KCNK2: variants seen among roughly 807,000 people sequenced by gnomAD.
KCNK2 encodes the protein potassium two pore domain channel subfamily K member 2.
A neutral mutation model predicts 40.5 loss-of-function variants in KCNK2; 21 were observed. The observed-to-expected ratio is 0.52, with a 90% CI of 0.37 to 0.75. The LOEUF is 0.75. Ranked by LOEUF, KCNK2 falls within the 30% of genes least tolerant of loss-of-function variation. The probability of loss-of-function intolerance (pLI) is 0.00; values close to 1 mark genes in which losing one functional copy is unlikely to be tolerated. For missense variants in KCNK2, 399 were observed against 531.6 expected (o/e 0.75, Z 2.45); for synonymous variants, 191 against 202.2 (o/e 0.94, Z 0.47).
Position 215,162,434 on chromosome 1 carries a change from G to A in KCNK2, c.476-6765G>A, listed in dbSNP as rs144997313. ...AAGCTCTTTAGTTTAATTAAATCCC[G>A]TTTGTCAATTTTGACTTTTGTTGCC... On this transcript the variant is annotated intron_variant, in intron 3 of 6. Coordinates refer to ENST00000444842, the MANE Select transcript of KCNK2 (RefSeq NM_001017425.3). Among the ~76,000 whole-genome samples the A allele has an allele frequency of 7.1e-3, 1,081 of 151,980 alleles. 11 individuals carry two copies. Among genetic ancestry groups the A allele is most frequent in the African/African-American group, 0.024 (983 of 41,466 alleles).
At chr1:215,124,505 T>C in intron 2 of KCNK2, 128 bp from the exon 3 acceptor site, 2 of 709,754 alleles carry the variant, frequency 2.8e-6, no homozygotes, top group South Asian at 3.1e-5. Context: ...TTATACATTT[T>C]AAATGGAAGA....
chr1:215,147,527 A>C (rs1405314889), intron 3 of KCNK2, among the ~76,000 whole-genome samples: 2 of 152,152 alleles, frequency 1.3e-5, no homozygotes, highest in East Asian at 3.8e-4. Context: ...GCTTTGACTC[A>C]CTTTTCTAAA....
chr1:215,037,312 T>A (rs1031630703), intron 1 of KCNK2, among the ~76,000 whole-genome samples: 1 of 151,938 alleles, frequency 6.6e-6, no homozygotes, highest in African/African-American at 2.4e-5. Context: ...CTTTATTATT[T>A]CAATGAGGTG....
chr1:215,204,037 CAAAA>C (rs71167813), intron 6 of KCNK2, among the ~76,000 whole-genome samples: 25 of 53,184 alleles, frequency 4.7e-4, no homozygotes, highest in African/African-American at 2.5e-3. Flanking sequence ...GACTCCGTCT[CAAAA>C]AAAAAAAAAA....
intron 1 of KCNK2, among the ~76,000 whole-genome samples, chr1:215,051,055 T>C (rs996710859): frequency 1.3e-5 from 2 of 152,206 alleles, no homozygotes; most frequent in Non-Finnish European, 2.9e-5. Flanking sequence ...GTTGCCTTAA[T>C]AACCTTTTGA....
At chr1:215,224,643 G>T (rs886952006) in intron 6 of KCNK2, among the ~76,000 whole-genome samples, 1 of 152,044 alleles carries the variant, frequency 6.6e-6, no homozygotes, top group African/African-American at 2.4e-5. Context: ...AAATGACCTG[G>T]AGTAGAGCTA....
intron 5 of KCNK2, among the ~76,000 whole-genome samples, chr1:215,186,256 T>TA (rs1185847559): frequency 6.6e-6 from 1 of 152,062 alleles, no homozygotes; most frequent in Non-Finnish European, 1.5e-5. Context: ...CAAACATTTT[T>TA]AAAAATTAGC....
chr1:215,023,966 C>T (rs1360536088), intron 1 of KCNK2, among the ~76,000 whole-genome samples: 2 of 152,212 alleles, frequency 1.3e-5, no homozygotes, highest in African/African-American at 4.8e-5. Flanking sequence ...GCATACCTAG[C>T]TCTGCGGATT....
intron 1 of KCNK2, among the ~76,000 whole-genome samples, chr1:215,084,846 C>A (rs574424363): frequency 6.6e-6 from 1 of 152,354 alleles, no homozygotes; most frequent in East Asian, 1.9e-4. Context: ...GCTCTAATTT[C>A]ATCTCTTCCA....
In KCNK2 at chr1:215,036,712, G is replaced by A. The variant is rs111343504; in HGVS notation, c.34+30757G>A. Among the ~76,000 whole-genome samples the A allele has an allele frequency of 8.3e-3, 1,252 of 151,716 alleles. 18 individuals are homozygous for A. The highest frequency in any genetic ancestry group is 0.028 in the African/African-American group (1,178 of 41,442). ...CTTTGCTGCTTATGAACAATGTTTT[G>A]TAGTATTCAATGTACAGATTTTACA... On this transcript the variant is annotated intron_variant, in intron 1 of 6. Coordinates refer to the KCNK2 transcript ENST00000391895.
chr1:215,096,189 T>C (rs2102544793), intron 2 of KCNK2, among the ~76,000 whole-genome samples: 1 of 151,982 alleles, frequency 6.6e-6, no homozygotes, highest in East Asian at 1.9e-4. Flanking sequence ...TATATGGATA[T>C]ACCAAGGTGT....
intron 3 of KCNK2, among the ~76,000 whole-genome samples, chr1:215,162,529 T>C (rs964632849): frequency 2.6e-5 from 4 of 152,218 alleles, no homozygotes; most frequent in Admixed American, 2.6e-4. Context: ...GCCTAGGTTT[T>C]CTTCTAGGGT....
chr1:215,049,542 T>A (rs1015966097), intron 1 of KCNK2, among the ~76,000 whole-genome samples: 3 of 152,174 alleles, frequency 2.0e-5, no homozygotes, highest in African/African-American at 7.2e-5. Context: ...ATTGTGCTTT[T>A]TGTGTCAAGT....
intron 6 of KCNK2, among the ~76,000 whole-genome samples, chr1:215,207,884 G>A (rs961271285): frequency 2.0e-5 from 3 of 152,180 alleles, no homozygotes; most frequent in Admixed American, 2.0e-4. Flanking sequence ...TGCTGGTTAA[G>A]TCATGGAGAA....
intron 2 of KCNK2, among the ~76,000 whole-genome samples, chr1:215,121,324 G>C (rs1661180870): frequency 6.6e-6 from 1 of 152,112 alleles, no homozygotes; most frequent in African/African-American, 2.4e-5. Context: ...GTTTTGCTCT[G>C]TCACCCAGGC....
Position 215,104,523 on chromosome 1 carries a change from T to C in KCNK2, c.357+17845T>C, listed in dbSNP as rs75238766. Among the ~76,000 whole-genome samples, 375 of 152,168 alleles carry C rather than the reference T, an allele frequency of 2.5e-3. 1 individual carries two copies. Among genetic ancestry groups the C allele is most frequent in the Non-Finnish European group, 4.5e-3 (309 of 67,996 alleles). ...TGTTCTCTTGCTAGTGCCTGCTTGC[T>C]GCCTCCTGTGCATTGCTGAATGAAT... On this transcript the variant is annotated intron_variant, in intron 2 of 6. Coordinates refer to ENST00000444842, the MANE Select transcript of KCNK2 (RefSeq NM_001017425.3).
chr1:215,105,822 A>G (rs1660412681), intron 2 of KCNK2, among the ~76,000 whole-genome samples: 1 of 151,860 alleles, frequency 6.6e-6, no homozygotes, highest in African/African-American at 2.4e-5. Context: ...TTTAGTTCCT[A>G]CTTATAAGTG....
At chr1:215,070,023 C>T (rs1658691366) in intron 1 of KCNK2, among the ~76,000 whole-genome samples, 1 of 152,088 alleles carries the variant, frequency 6.6e-6, no homozygotes, top group Admixed American at 6.5e-5. Context: ...ATGATGTGCA[C>T]TAAGAAATCA....
At chr1:215,218,961 C>T (rs1666063701) in intron 6 of KCNK2, among the ~76,000 whole-genome samples, 1 of 152,152 alleles carries the variant, frequency 6.6e-6, no homozygotes, top group Non-Finnish European at 1.5e-5. Context: ...TTTTTGCTCT[C>T]ACTAAACATT....
Sources: allele counts gnomAD v4.1 joint callset (sites outside exome capture counted in the v4.1 genomes callset), GRCh38; gene constraint gnomAD v4.1.1; transcripts MANE v1.5; gene names NCBI Gene and HGNC (gene_info 2026-07-23, HGNC 2026-07-21).